The following ATL2 variants were observed in gnomAD, a reference collection of about 807,000 sequenced individuals.
ATL2 encodes the protein atlastin GTPase 2.
In ATL2, 31 loss-of-function variants were observed where a neutral mutation model predicts 73.9. The observed-to-expected ratio is 0.42, with a 90% CI of 0.32 to 0.57. ATL2 has a LOEUF of 0.57. Among genes scored for constraint, ATL2 ranks in the 20% least tolerant of loss-of-function variants. ATL2 has a pLI of 0.14. For synonymous variants in ATL2, 291 were observed against 237.5 expected, an observed-to-expected ratio of 1.23 and a Z score of -2.07; for missense variants, 738 against 702.6, an observed-to-expected ratio of 1.05 and a Z score of -0.57.
chr2:38,351,250 A>G (rs1034940873), intron 1 of ATL2, among the ~76,000 whole-genome samples: 1 of 152,152 alleles, frequency 6.6e-6, no homozygotes, highest in African/African-American at 2.4e-5. Context: ...ACAGTATCTA[A>G]GTATTCAAGT....
chr2:38,312,478 AG>A (rs1301641336), intron 7 of ATL2, among the ~76,000 whole-genome samples: 1 of 151,952 alleles, frequency 6.6e-6, no homozygotes, highest in African/African-American at 2.4e-5. Context: ...TGGGAGGCCG[AG>A]GTAGGCCGAT....
chr2:38,327,554 A>C lies in ATL2; in HGVS notation c.364-8535T>G, dbSNP rs200253218. ...AAAAAAAAGTACAAAAAAAAAAAAA[A>C]AACACCAGAAAACAATTATAAGCAT... On this transcript the variant is annotated intron_variant, in intron 2 of 12. Coordinates refer to ENST00000378954, the MANE Select transcript of ATL2 (RefSeq NM_001135673.4). 8.3e-3 allele frequency among the ~76,000 whole-genome samples: 1,252 copies of C among 151,556 alleles called. 22 individuals carry two copies. Among genetic ancestry groups the C allele is most frequent in the East Asian group, 0.055 (285 of 5,160 alleles).
At chr2:38,350,590 T>A (rs1025635074) in intron 1 of ATL2, among the ~76,000 whole-genome samples, 1 of 152,148 alleles carries the variant, frequency 6.6e-6, no homozygotes, top group African/African-American at 2.4e-5. Flanking sequence ...TGAACCATAA[T>A]GTAAAACTAT....
intron 1 of ATL2, among the ~76,000 whole-genome samples, chr2:38,368,139 T>A (rs1026520571): frequency 6.6e-6 from 1 of 151,408 alleles, no homozygotes; most frequent in African/African-American, 2.4e-5. Context: ...TTTCACTGTG[T>A]TAGCCAGGAT....
chr2:38,329,423 C>CAAAAAAAAA (rs70954711), intron 2 of ATL2, among the ~76,000 whole-genome samples: 11 of 13,670 alleles, frequency 8.0e-4, no homozygotes, highest in Non-Finnish European at 1.4e-3. Context: ...ACTCCATCTC[C>CAAAAAAAAA]AAAAAAAAAA....
intron 2 of ATL2, among the ~76,000 whole-genome samples, chr2:38,331,859 G>A (rs1216763400): frequency 6.6e-6 from 1 of 151,598 alleles, no homozygotes; most frequent in East Asian, 1.9e-4. Context: ...TATATTTTAT[G>A]TAATTAACAT....
intron 1 of ATL2, among the ~76,000 whole-genome samples, chr2:38,366,865 TCTATTTGCCTGTCCCATTCCGG>T (rs1196271095): frequency 6.6e-6 from 1 of 152,190 alleles, no homozygotes; most frequent in Non-Finnish European, 1.5e-5. Context: ...AGTATGGTCC[TCTATTTGCCTGTCCCATTCCGG>T]CCTCTAGTCC....
rs778821586 is a variant in ATL2, at chr2:38,352,133, C to CAAAAAA, written c.119-8627_119-8622dup. Among the ~76,000 whole-genome samples, 42 of 31,988 alleles carry CAAAAAA rather than the reference C, an allele frequency of 1.3e-3. 1 individual carries two copies. The highest frequency in any genetic ancestry group is 1.9e-3 in the African/African-American group (26 of 13,436). The allele number at this position is 31,988 out of a possible 152,430, so 21.0% of individuals were successfully genotyped here. A position where few individuals can be genotyped will look rare whatever the true frequency, so the allele number is the denominator to read the frequency against. ...TTCAAAAACAAACAAAAACAACAAC[C>CAAAAAA]AAAAAAAAAAAAAAAAAAAAAAAAA... On this transcript the variant is annotated intron_variant, in intron 1 of 12. Transcript: ENST00000378954.
chr2:38,342,112 ATT>A (rs1204409719), intron 2 of ATL2, among the ~76,000 whole-genome samples: 1 of 151,678 alleles, frequency 6.6e-6, no homozygotes, highest in Admixed American at 6.6e-5. Flanking sequence ...GAGTGAAAAA[ATT>A]TTTTTTGCTT....
chr2:38,318,907 A>G lies in ATL2; in HGVS notation c.476T>C (p.Ile159Thr), dbSNP rs774536855. ...GIQVWNEVFVIDRPNGTKVAV... is the reference protein window; with the variant it reads ...GIQVWNEVFVTDRPNGTKVAV... The stretch of plus-strand genomic sequence containing the variant: ...TACTTTAGTTCCATTAGGTCTGTCA[A>G]TCACAAATACTTCATTCCAAACTTG... The change falls in exon 3 of 13, where the codon ATT (isoleucine) becomes ACT (threonine). Residue 159 changes from isoleucine to threonine, a missense_variant. Transcript: ENST00000378954. The G allele has an allele frequency of 4.3e-6, 7 of 1,613,824 alleles. No individual in the cohort carries two copies. The South Asian group carries it at 6.6e-5, about 15-fold the overall frequency.
Position 38,295,875 on chromosome 2 carries a change from C to A in ATL2, c.*119G>T, listed in dbSNP as rs982888702. On this transcript the variant is annotated 3_prime_UTR_variant, in exon 13 of 13. Coordinates refer to ENST00000378954, the MANE Select transcript of ATL2 (RefSeq NM_001135673.4). ...CACTCTGTGGCAGCCATCTGTGAAGCCAGTTACACTAAACTACTTCTACAG... is the reference window on the plus strand; with the variant it reads ...CACTCTGTGGCAGCCATCTGTGAAGACAGTTACACTAAACTACTTCTACAG... 1.2e-4 allele frequency: 97 copies of A among 813,756 alleles called. 1 individual carries two copies. Among genetic ancestry groups the A allele is most frequent in the Non-Finnish European group, 1.7e-4 (89 of 536,278 alleles). 50.4% of individuals were successfully genotyped at this position (813,756 alleles called of 1,614,324 possible). A position where few individuals can be genotyped will look rare whatever the true frequency, so the allele number is the denominator to read the frequency against.
intron 2 of ATL2, among the ~76,000 whole-genome samples, chr2:38,342,270 G>C (rs952192358): frequency 6.6e-6 from 1 of 151,966 alleles, no homozygotes; most frequent in Non-Finnish European, 1.5e-5. Context: ...TCTTGTGCCA[G>C]GTGCTTGATA....
chr2:38,370,699 G>T (rs957855908), intron 1 of ATL2, among the ~76,000 whole-genome samples: 1 of 152,132 alleles, frequency 6.6e-6, no homozygotes, highest in Non-Finnish European at 1.5e-5. Flanking sequence ...CCCAGAGGTG[G>T]AGGTTGCAGT....
At chr2:38,307,283 G>C (rs1667501437) in intron 9 of ATL2, among the ~76,000 whole-genome samples, 1 of 152,016 alleles carries the variant, frequency 6.6e-6, no homozygotes, top group South Asian at 2.1e-4. Context: ...ACTTGATAAT[G>C]TGCTTGCAGG....
At chr2:38,300,382 T>TC in intron 9 of ATL2, 54 bp from the exon 10 acceptor site, 1 of 1,254,964 alleles carries the variant, frequency 8.0e-7, no homozygotes, top group Non-Finnish European at 1.2e-6. Context: ...TGGCTCCACA[T>TC]CCCCAAAGAA....
intron 1 of ATL2, among the ~76,000 whole-genome samples, chr2:38,348,318 T>C (rs934664192): frequency 6.6e-6 from 1 of 151,674 alleles, no homozygotes. Context: ...AATACAAAAT[T>C]AGCCAGGAGT....
At position 38,365,134 on chromosome 2, in the gene ATL2, T is replaced by TACACACACACACACACAC. The variant is rs541325892; in HGVS notation, c.118+11991_118+12008dup. On this transcript the variant is annotated intron_variant, in intron 1 of 12. Transcript: ENST00000378954. ...GGATAGCCAGTTAGCAAGGGAATCA[T>TACACACACACACACACAC]ACACACACACACACACACACACACA... Among the ~76,000 whole-genome samples the TACACACACACACACACAC allele has an allele frequency of 9.3e-4, 123 of 132,722 alleles. 1 individual carries two copies. The East Asian group carries it at 0.011, about 11-fold the overall frequency. 87.1% of individuals were successfully genotyped at this position (132,722 alleles called of 152,430 possible). A position where few individuals can be genotyped will look rare whatever the true frequency, so the allele number is the denominator to read the frequency against.
intron 2 of ATL2, among the ~76,000 whole-genome samples, chr2:38,320,621 C>T (rs577425562): frequency 3.9e-5 from 6 of 152,228 alleles, no homozygotes; most frequent in Non-Finnish European, 7.4e-5. Flanking sequence ...CTTTGACAGA[C>T]GTCAAGATCC....
At chr2:38,361,635 T>C (rs1671022471) in intron 1 of ATL2, among the ~76,000 whole-genome samples, 1 of 152,178 alleles carries the variant, frequency 6.6e-6, no homozygotes. Flanking sequence ...TATTATGTAT[T>C]AGATTAATGC....
Sources: gnomAD v4.1 joint callset for allele counts (sites outside exome capture counted in the v4.1 genomes callset) on GRCh38, gnomAD v4.1.1 for gene constraint, MANE v1.5 for transcripts, NCBI Gene and HGNC (gene_info 2026-07-23, HGNC 2026-07-21) for gene names.